The following ROBO2 variants were observed in gnomAD, a reference collection of about 807,000 sequenced individuals.
ROBO2 encodes roundabout guidance receptor 2.
A neutral mutation model predicts 160.8 loss-of-function variants in ROBO2; 53 were observed. That is an observed-to-expected ratio of 0.33 (90% confidence interval 0.26 to 0.41). The LOEUF (loss-of-function observed/expected upper bound fraction) is 0.41. Ranked by LOEUF, ROBO2 falls within the 10% of genes least tolerant of loss-of-function variation. The pLI, the probability that ROBO2 is intolerant of heterozygous loss-of-function variation, is 1.00. For missense variants in ROBO2, 1,577 were observed against 1,722.4 expected (o/e 0.92, Z 1.49); for synonymous variants, 664 against 611.7 (o/e 1.09, Z -1.26).
chr3:76,739,081 A>G (rs1449578686), intron 2 of ROBO2, among the ~76,000 whole-genome samples: 1 of 152,162 alleles, frequency 6.6e-6, no homozygotes, highest in Non-Finnish European at 1.5e-5. Flanking sequence ...GCGATTCCTC[A>G]GGGATCTAGA....
chr3:76,441,800 T>C (rs2076936776), intron 2 of ROBO2, among the ~76,000 whole-genome samples: 2 of 152,230 alleles, frequency 1.3e-5, no homozygotes, highest in Admixed American at 1.3e-4. Flanking sequence ...AACTTCTTGC[T>C]CTAGGCTGAA....
At chr3:76,065,723 CATATTTAAACTAA>C (rs1397435115) in intron 2 of ROBO2, among the ~76,000 whole-genome samples, 4 of 62,890 alleles carry the variant, frequency 6.4e-5, no homozygotes, top group African/African-American at 2.8e-4. Context: ...TAAATATATG[CATATTTAAACTAA>C]ATATATATAT....
chr3:76,438,096 A>AT (rs1438468158), intron 2 of ROBO2, among the ~76,000 whole-genome samples: 1 of 152,118 alleles, frequency 6.6e-6, no homozygotes, highest in East Asian at 1.9e-4. Flanking sequence ...GATTTGCAAG[A>AT]TTTTGTGCAA....
At chr3:76,842,772 A>T (rs1456311564) in intron 2 of ROBO2, among the ~76,000 whole-genome samples, 4 of 152,130 alleles carry the variant, frequency 2.6e-5, no homozygotes, top group Admixed American at 6.6e-5. Flanking sequence ...TTTAAGATAG[A>T]AATTTTAGGT....
intron 17 of ROBO2, among the ~76,000 whole-genome samples, chr3:77,592,854 A>C (rs2094212319): frequency 6.6e-6 from 1 of 152,080 alleles, no homozygotes; most frequent in South Asian, 2.1e-4. Flanking sequence ...GCCCGGCCTC[A>C]TGATATATTT....
intron 24 of ROBO2, among the ~76,000 whole-genome samples, chr3:77,643,393 T>G (rs2095374776): frequency 6.6e-6 from 1 of 152,202 alleles, no homozygotes; most frequent in Admixed American, 6.5e-5. Context: ...AAATGCCCAA[T>G]CACAGATCCT....
chr3:77,112,014 C>A (rs1195049044), intron 2 of ROBO2, among the ~76,000 whole-genome samples: 1 of 151,726 alleles, frequency 6.6e-6, no homozygotes, highest in African/African-American at 2.4e-5. Flanking sequence ...GCGTTCAAGA[C>A]CAGCCTGGGC....
intron 2 of ROBO2, among the ~76,000 whole-genome samples, chr3:76,930,235 G>A (rs1459948658): frequency 6.6e-6 from 1 of 151,964 alleles, no homozygotes; most frequent in Non-Finnish European, 1.5e-5. Context: ...TCGAACTCCT[G>A]GCCTCAAGTG....
chr3:76,741,365 T>C (rs1397608713), intron 2 of ROBO2, among the ~76,000 whole-genome samples: 1 of 152,128 alleles, frequency 6.6e-6, no homozygotes, highest in African/African-American at 2.4e-5. Flanking sequence ...GTAAGTTTTA[T>C]GTGCTCAGAT....
At chr3:77,349,831 G>A (rs549391701) in intron 2 of ROBO2, among the ~76,000 whole-genome samples, 8 of 151,960 alleles carry the variant, frequency 5.3e-5, no homozygotes, top group Middle Eastern at 6.8e-3. Flanking sequence ...TATTGCAATC[G>A]TGATCACAAA....
chr3:77,638,818 C>CTTTT lies in ROBO2; in HGVS notation c.3934+3797_3934+3800dup, dbSNP rs34034420. On this transcript the variant is annotated intron_variant, in intron 24 of 25. Coordinates refer to ENST00000461745, the Ensembl canonical transcript of ROBO2. ...CCAGCCTATTCTCCCTTTCACCTAGCTTTTTTTTTTTTTTTTTTTTTTTTT... is the reference window on the plus strand; with the variant it reads ...CCAGCCTATTCTCCCTTTCACCTAGCTTTTTTTTTTTTTTTTTTTTTTTTTTTTT... Among the ~76,000 whole-genome samples the CTTTT allele has an allele frequency of 8.6e-3, 440 of 51,192 alleles. 6 individuals carry two copies. Among genetic ancestry groups the CTTTT allele is most frequent in the African/African-American group, 0.014 (170 of 12,276 alleles). The allele number at this position is 51,192 out of a possible 152,430, so 33.6% of individuals were successfully genotyped here.
chr3:77,021,687 C>T (rs963031915), intron 2 of ROBO2, among the ~76,000 whole-genome samples: 2 of 152,106 alleles, frequency 1.3e-5, no homozygotes, highest in African/African-American at 2.4e-5. Context: ...GAAGGTGAGA[C>T]CTTTTAAGAG....
intron 2 of ROBO2, among the ~76,000 whole-genome samples, chr3:76,920,866 T>C (rs1284343893): frequency 6.6e-6 from 1 of 152,248 alleles, no homozygotes; most frequent in East Asian, 1.9e-4. Flanking sequence ...AATGAGTTTT[T>C]TTAAAAACTC....
intron 2 of ROBO2, among the ~76,000 whole-genome samples, chr3:76,053,829 T>C (rs1457584711): frequency 3.3e-5 from 5 of 152,044 alleles, no homozygotes; most frequent in African/African-American, 7.2e-5. Flanking sequence ...TGAACTCTTG[T>C]TGATGTAGAT....
intron 2 of ROBO2, among the ~76,000 whole-genome samples, chr3:77,428,977 T>C (rs1261793678): frequency 6.6e-6 from 1 of 152,212 alleles, no homozygotes; most frequent in East Asian, 1.9e-4. Flanking sequence ...AATTTTGATT[T>C]ATTTTTTATT....
intron 2 of ROBO2, among the ~76,000 whole-genome samples, chr3:77,324,732 A>C (rs2065196708): frequency 6.7e-6 from 1 of 148,174 alleles, no homozygotes; most frequent in African/African-American, 2.5e-5. Flanking sequence ...CAGTGAGCCG[A>C]GATCGCGCCA....
chr3:77,483,880 A>T (rs1313662935), intron 4 of ROBO2, among the ~76,000 whole-genome samples: 2 of 151,274 alleles, frequency 1.3e-5, no homozygotes, highest in African/African-American at 2.4e-5. Context: ...TTCCAGTATA[A>T]TAGCTGTCTA....
Position 76,859,096 on chromosome 3 carries a change from G to A in ROBO2, c.110-238918G>A, listed in dbSNP as rs567485546. Among the ~76,000 whole-genome samples, 6 of 152,248 alleles carry A rather than the reference G, an allele frequency of 3.9e-5. No homozygotes were observed. The South Asian group carries it at 8.3e-4, about 21-fold the overall frequency. On this transcript the variant is annotated intron_variant, in intron 2 of 26. Coordinates refer to the ROBO2 transcript ENST00000487694. ...TCTAGGATCCAAATTTTGAATATGGGCATCACTTGCATAAACATGAGAGTT... is the reference window on the plus strand; with the variant it reads ...TCTAGGATCCAAATTTTGAATATGGACATCACTTGCATAAACATGAGAGTT...
chr3:77,032,483 A>G lies in ROBO2; in HGVS notation c.110-65531A>G, dbSNP rs148542370. Among the ~76,000 whole-genome samples the G allele has an allele frequency of 6.0e-3, 916 of 152,260 alleles. 8 individuals are homozygous for G. Among genetic ancestry groups the G allele is most frequent in the Middle Eastern group, 0.01 (3 of 292 alleles). On this transcript the variant is annotated intron_variant, in intron 2 of 26. Transcript: ENST00000487694. ...AAAAATTTAGGTATTATTATTCTTT[A>G]TTTTTATAATATTAACCATAGTTTA...
Sources: allele counts gnomAD v4.1 joint callset (sites outside exome capture counted in the v4.1 genomes callset), GRCh38; gene constraint gnomAD v4.1.1; transcripts MANE v1.5; gene names NCBI Gene and HGNC (gene_info 2026-07-23, HGNC 2026-07-21).